CLCA1: variants seen among roughly 807,000 people sequenced by gnomAD.
CLCA1 encodes the protein calcium-activated chloride channel regulator 1.
CLCA1 carries 59 observed loss-of-function variants against 85.6 expected under a neutral mutation model. The ratio of observed to expected loss-of-function variants is 0.69; its 90% CI spans 0.56 to 0.86. CLCA1 has a LOEUF of 0.86. Ranked by LOEUF, CLCA1 falls within the 40% of genes least tolerant of loss-of-function variation. The pLI, the probability that CLCA1 is intolerant of heterozygous loss-of-function variation, is 0.00. For missense variants in CLCA1, 1,022 were observed against 1,101.4 expected (o/e 0.93, Z 1.02); for synonymous variants, 396 against 398.3 (o/e 0.99, Z 0.07).
chr1:86,494,131 C>T, intron 10 of CLCA1, 56 bp from the exon 11 acceptor site: 1 of 1,595,848 alleles, frequency 6.3e-7, no homozygotes, highest in African/African-American at 1.3e-5. Context: ...ACATTGAAGT[C>T]AGGTCTGTGT....
intron 3 of CLCA1, 150 bp downstream of exon 3, chr1:86,474,026 G>T: frequency 2.0e-6 from 1 of 505,592 alleles, no homozygotes; most frequent in Non-Finnish European, 3.3e-6. Flanking sequence ...AATAGAACAT[G>T]CATTTCACTT....
At chr1:86,496,398 C>A (rs1299428947) in intron 12 of CLCA1, among the ~76,000 whole-genome samples, 1 of 152,148 alleles carries the variant, frequency 6.6e-6, no homozygotes, top group Non-Finnish European at 1.5e-5. Flanking sequence ...TCATGTGGGC[C>A]AGCACACTGA....
intron 12 of CLCA1, 117 bp from the exon 13 acceptor site, chr1:86,498,455 T>C (rs1028265033): frequency 3.1e-6 from 3 of 974,722 alleles, no homozygotes; most frequent in Admixed American, 2.2e-5. Context: ...ATTCTGTGTG[T>C]GGAAGGAAAG....
chr1:86,488,073 G>A (rs535758618), intron 7 of CLCA1, among the ~76,000 whole-genome samples: 1 of 152,316 alleles, frequency 6.6e-6, no homozygotes, highest in East Asian at 1.9e-4. Flanking sequence ...CTGAAACAGT[G>A]AGTGAGGCGG....
At chr1:86,494,509 C>T (rs2101746936) in intron 11 of CLCA1, 61 bp downstream of exon 11, 4 of 1,578,424 alleles carry the variant, frequency 2.5e-6, no homozygotes, top group Non-Finnish European at 3.5e-6. Context: ...CCAGGGAATG[C>T]CAAGAGGGCA....
At chr1:86,472,659 G>C (rs1160886568) in intron 1 of CLCA1, among the ~76,000 whole-genome samples, 3 of 152,092 alleles carry the variant, frequency 2.0e-5, no homozygotes, top group Non-Finnish European at 2.9e-5. Context: ...TTTCATTTTA[G>C]AGAAGTAAAA....
chr1:86,477,437 C>T (rs913027072), intron 4 of CLCA1, among the ~76,000 whole-genome samples: 1 of 152,202 alleles, frequency 6.6e-6, no homozygotes, highest in African/African-American at 2.4e-5. Flanking sequence ...GGAAAGAACG[C>T]TTGGCTGCCA....
intron 4 of CLCA1, among the ~76,000 whole-genome samples, chr1:86,480,481 G>C (rs1647788918): frequency 6.6e-6 from 1 of 152,068 alleles, no homozygotes; most frequent in Non-Finnish European, 1.5e-5. Context: ...AAATTGGCCT[G>C]GCATGGTGGC....
Position 86,476,547 on chromosome 1 carries a change from C to T in CLCA1, c.551C>T (p.Ala184Val), listed in dbSNP as rs778914498. 3 of 1,477,110 alleles carry T rather than the reference C, an allele frequency of 2.0e-6. No homozygotes were observed. The highest frequency in any genetic ancestry group is 2.8e-5 in the African/African-American group (2 of 72,110). The allele number at this position is 1,477,110 out of a possible 1,614,324, so 91.5% of individuals were successfully genotyped here. A position where few individuals can be genotyped will look rare whatever the true frequency, so the allele number is the denominator to read the frequency against. Residue 184 changes from alanine (A) to valine (V), a missense_variant, in exon 4 of 14, where the codon GCA becomes GTA. Ala to Val is a moderately conservative substitution (Grantham distance 64). Coordinates refer to ENST00000394711, the MANE Select transcript of CLCA1 (RefSeq NM_001285.4). Reference protein sequence around the residue: ...KFYLSNGRIQAVRCSAGITGT... With the variant: ...KFYLSNGRIQVVRCSAGITGT... ...TACTTATCCAATGGAAGAATACAAG[C>T]AGTAAGGTATGTATATTTTGATTTA...
intron 4 of CLCA1, among the ~76,000 whole-genome samples, chr1:86,480,128 C>G (rs1042159498): frequency 1.3e-5 from 2 of 151,908 alleles, no homozygotes; most frequent in South Asian, 2.1e-4. Context: ...CCCTAGATAA[C>G]AAAACTCTTT....
chr1:86,498,927 T>TCC, intron 13 of CLCA1, 116 bp downstream of exon 13: 1 of 1,144,762 alleles, frequency 8.7e-7, no homozygotes, highest in Non-Finnish European at 1.2e-6. Context: ...GCAGGAGGGA[T>TCC]CTTGCCGGTC....
At chr1:86,494,117 C>T (rs544802529) in intron 10 of CLCA1, 70 bp from the exon 11 acceptor site, 31 of 1,549,172 alleles carry the variant, frequency 2.0e-5, no homozygotes, top group Admixed American at 1.4e-4. Flanking sequence ...TTTTCCCGTA[C>T]GTGACATTGA....
At chr1:86,475,306 T>C (rs557022610) in intron 3 of CLCA1, among the ~76,000 whole-genome samples, 1 of 152,178 alleles carries the variant, frequency 6.6e-6, no homozygotes, top group East Asian at 1.9e-4. Context: ...GGATACTGAG[T>C]TTCCACAGAA....
intron 4 of CLCA1, among the ~76,000 whole-genome samples, chr1:86,477,608 G>T (rs1377506680): frequency 2.6e-5 from 4 of 152,130 alleles, no homozygotes; most frequent in African/African-American, 9.7e-5. Flanking sequence ...GTAGCTACAG[G>T]CTCTCTAAAA....
rs559423289 is a variant in CLCA1, at chr1:86,493,301, A to C, written c.1465-83A>C. 333 of 1,058,324 alleles carry C rather than the reference A, an allele frequency of 3.1e-4. 1 individual carries two copies. The highest frequency in any genetic ancestry group is 1.8e-3 in the Middle Eastern group (6 of 3,372). The allele number at this position is 1,058,324 out of a possible 1,614,324, so 65.6% of individuals were successfully genotyped here. On this transcript the variant is annotated intron_variant, in intron 9 of 13. Transcript: ENST00000394711. The stretch of plus-strand genomic sequence containing the variant: ...ATCACTGAAGTCTTTTTAATGGCGC[A>C]CTGGGGAGACAGGGGCAGAAGGGAA...
At chr1:86,497,279 G>C (rs936605853) in intron 12 of CLCA1, among the ~76,000 whole-genome samples, 3 of 152,152 alleles carry the variant, frequency 2.0e-5, no homozygotes, top group African/African-American at 4.8e-5. Context: ...AGTCTCTACT[G>C]GTGCTTTCAA....
At chr1:86,479,098 GT>G (rs1461236817) in intron 4 of CLCA1, among the ~76,000 whole-genome samples, 1 of 152,186 alleles carries the variant, frequency 6.6e-6, no homozygotes, top group Non-Finnish European at 1.5e-5. Context: ...GAAAATCATT[GT>G]TATGCAGATG....
In CLCA1 at chr1:86,469,028, C is replaced by A. The variant is rs1162606268; in HGVS notation, c.57C>A (p.Ala19=). 6.2e-7 allele frequency: 1 copy of A among 1,612,976 alleles called. No homozygotes were observed. The highest frequency in any genetic ancestry group is 8.5e-7 in the Non-Finnish European group (1 of 1,179,406). The change falls in exon 1 of 14, where the codon GCC becomes GCA. Residue 19 remains alanine (A), a synonymous_variant. Transcript: ENST00000394711. ...TGATTCTTCACCTTCTAGAAGGGGCCCTGAGTAATTCACTCATTCAGCTGA... is the reference window on the plus strand; with the variant it reads ...TGATTCTTCACCTTCTAGAAGGGGCACTGAGTAATTCACTCATTCAGCTGA... ...FILILHLLEG[A]LSNSLIQLNN... is the part of the protein sequence containing the mutation.
intron 1 of CLCA1, among the ~76,000 whole-genome samples, chr1:86,469,429 T>G (rs572782523): frequency 6.6e-6 from 1 of 152,350 alleles, no homozygotes; most frequent in African/African-American, 2.4e-5. Flanking sequence ...AGTTCTATAG[T>G]AAGGCAGAGT....
Sources: gnomAD v4.1 joint callset for allele counts (sites outside exome capture counted in the v4.1 genomes callset) on GRCh38, gnomAD v4.1.1 for gene constraint, MANE v1.5 for transcripts, NCBI Gene and HGNC (gene_info 2026-07-23, HGNC 2026-07-21) for gene names.